LRP1B: variants seen among roughly 807,000 people sequenced by gnomAD.
LRP1B encodes LDL receptor related protein 1B.
LRP1B carries 217 observed loss-of-function variants against 556.6 expected under a neutral mutation model. The ratio of observed to expected loss-of-function variants is 0.39; its 90% CI spans 0.35 to 0.44. LRP1B has a LOEUF of 0.44. Among genes scored for constraint, LRP1B ranks in the 20% least tolerant of loss-of-function variants. The probability of loss-of-function intolerance (pLI) is 1.00; values close to 1 mark genes in which losing one functional copy is unlikely to be tolerated. For missense variants in LRP1B, 5,053 were observed against 5,620.8 expected (o/e 0.90, Z 3.23); for synonymous variants, 2,047 against 1,865.8 (o/e 1.10, Z -2.50).
rs1399707708 is a variant in LRP1B, at chr2:141,049,046, T to G, written c.1729A>C (p.Ser577Arg). 2 of 1,613,610 alleles carry G rather than the reference T, an allele frequency of 1.2e-6. No individual in the cohort carries two copies. Among genetic ancestry groups the G allele is most frequent in the African/African-American group, 1.3e-5 (1 of 74,998 alleles). Residue 577 changes from serine to arginine, a missense_variant, in exon 11 of 91, where the codon AGT becomes CGT. This residue lies in a region of LRP1B where 3,619 missense variants were observed against 3,931.9 expected (regional missense o/e 0.92). Transcript: ENST00000389484. ...ATCTTCTGCCGGCCAATTAGGAAAC[T>G]GGTGGTGTCAGCAAAGTAGATGTAA... Reference protein sequence around the residue: ...TNYIYFADTTSFLIGRQKIDG... With the variant: ...TNYIYFADTTRFLIGRQKIDG...
intron 15 of LRP1B, among the ~76,000 whole-genome samples, chr2:140,995,957 G>T (rs1167404616): frequency 6.6e-6 from 1 of 151,910 alleles, no homozygotes; most frequent in Non-Finnish European, 1.5e-5. Flanking sequence ...GTGTTTCATG[G>T]ACTGTAAAAG....
chr2:140,315,339 C>A (rs1479202103), intron 82 of LRP1B, among the ~76,000 whole-genome samples: 1 of 151,908 alleles, frequency 6.6e-6, no homozygotes, highest in African/African-American at 2.4e-5. Flanking sequence ...CATTATTAAC[C>A]TTTTCTTGTA....
chr2:140,750,720 T>C (rs1279281206), intron 35 of LRP1B, among the ~76,000 whole-genome samples: 3 of 152,202 alleles, frequency 2.0e-5, no homozygotes, highest in African/African-American at 4.8e-5. Context: ...GTGACATGAA[T>C]TCTGCACTTC....
chr2:140,612,678 T>C (rs1257926455), intron 41 of LRP1B, among the ~76,000 whole-genome samples: 2 of 152,146 alleles, frequency 1.3e-5, no homozygotes, highest in African/African-American at 2.4e-5. Flanking sequence ...GATCCGTCTT[T>C]AATCACACAA....
intron 43 of LRP1B, among the ~76,000 whole-genome samples, chr2:140,575,742 T>C (rs933920726): frequency 2.0e-5 from 3 of 151,830 alleles, no homozygotes; most frequent in South Asian, 4.2e-4. Context: ...CTGGCCAACA[T>C]AGTGAAACCC....
intron 3 of LRP1B, among the ~76,000 whole-genome samples, chr2:141,278,776 C>T (rs1201628356): frequency 6.6e-6 from 1 of 152,158 alleles, no homozygotes; most frequent in Admixed American, 6.5e-5. Flanking sequence ...CTAAACTGGT[C>T]TTCTGTTTAT....
intron 6 of LRP1B, among the ~76,000 whole-genome samples, chr2:141,225,725 G>C (rs973575291): frequency 1.3e-5 from 2 of 151,876 alleles, no homozygotes; most frequent in Non-Finnish European, 2.9e-5. Context: ...TCCCCCCAAG[G>C]TTCATTAATA....
At chr2:140,352,097 T>C (rs2105119564) in intron 76 of LRP1B, among the ~76,000 whole-genome samples, 1 of 152,272 alleles carries the variant, frequency 6.6e-6, no homozygotes, top group Middle Eastern at 3.4e-3. Context: ...CAGTATTATT[T>C]AGCATAAACA....
chr2:141,244,554 G>C (rs1013923242), intron 5 of LRP1B, among the ~76,000 whole-genome samples: 2 of 152,140 alleles, frequency 1.3e-5, no homozygotes, highest in African/African-American at 4.8e-5. Context: ...TATAATGCTT[G>C]TTTCTAGCAC....
chr2:140,734,844 T>C (rs1025168815), intron 35 of LRP1B, among the ~76,000 whole-genome samples: 2 of 152,174 alleles, frequency 1.3e-5, no homozygotes, highest in African/African-American at 4.8e-5. Context: ...CCAGCCTTGC[T>C]AAAACTTTCT....
intron 66 of LRP1B, among the ~76,000 whole-genome samples, chr2:140,431,332 C>T (rs1206642078): frequency 2.0e-5 from 3 of 152,130 alleles, no homozygotes; most frequent in East Asian, 3.9e-4. Context: ...CAGGGTACAG[C>T]CCATTTGAGC....
chr2:142,130,128 G>C (rs1707800474), intron 1 of LRP1B, among the ~76,000 whole-genome samples: 1 of 152,166 alleles, frequency 6.6e-6, no homozygotes, highest in African/African-American at 2.4e-5. Flanking sequence ...TCTGACCCCA[G>C]TCTGCCCCCA....
intron 55 of LRP1B, 125 bp downstream of exon 55, chr2:140,501,562 T>C: frequency 1.8e-6 from 1 of 557,380 alleles, no homozygotes; most frequent in Non-Finnish European, 2.9e-6. Context: ...ATATCGACAC[T>C]CTCCATTCAA....
At chr2:141,703,107 C>T (rs1295850676) in intron 2 of LRP1B, among the ~76,000 whole-genome samples, 2 of 151,870 alleles carry the variant, frequency 1.3e-5, no homozygotes, top group Admixed American at 6.6e-5. Context: ...TTCTATGTCC[C>T]CTAACAAGTA....
At chr2:140,481,616 T>TATTATTATTATC in intron 59 of LRP1B, among the ~76,000 whole-genome samples, 1 of 134,202 alleles carries the variant, frequency 7.5e-6, no homozygotes, top group African/African-American at 2.5e-5. Flanking sequence ...TTATTATTAT[T>TATTATTATTATC]ATTATTTGGG....
intron 1 of LRP1B, among the ~76,000 whole-genome samples, chr2:142,046,341 A>C (rs947421979): frequency 6.6e-6 from 1 of 151,982 alleles, no homozygotes; most frequent in Admixed American, 6.6e-5. Context: ...GGAGCATGAC[A>C]GTTGACTTCT....
chr2:141,921,368 A>G (rs1203096134), intron 1 of LRP1B, among the ~76,000 whole-genome samples: 2 of 152,036 alleles, frequency 1.3e-5, no homozygotes, highest in Admixed American at 6.6e-5. Context: ...TGTCCATGAA[A>G]ATAGATCTTT....
intron 2 of LRP1B, among the ~76,000 whole-genome samples, chr2:141,488,976 T>TG (rs58142057): frequency 0.47 from 70,231 of 149,488 alleles, 17,136 homozygotes; most frequent in Non-Finnish European, 0.54. Context: ...TTTTTTTTTG[T>TG]TTGTTTGTTT....
intron 7 of LRP1B, among the ~76,000 whole-genome samples, chr2:141,111,941 G>A (rs952153748): frequency 7.9e-5 from 12 of 151,936 alleles, no homozygotes; most frequent in African/African-American, 2.7e-4. Flanking sequence ...AGCTGCTGGG[G>A]GTGCTGAGGC....
Sources: allele counts gnomAD v4.1 joint callset (sites outside exome capture counted in the v4.1 genomes callset), GRCh38; gene constraint gnomAD v4.1.1; regional missense constraint gnomAD v4.1.1; transcripts MANE v1.5; gene names NCBI Gene and HGNC (gene_info 2026-07-23, HGNC 2026-07-21).